The following UACA variants were observed in gnomAD, a reference collection of about 807,000 sequenced individuals.
The protein encoded by UACA is nuclear membrane binding protein.
UACA carries 112 observed loss-of-function variants against 160.5 expected under a neutral mutation model. The ratio of observed to expected loss-of-function variants is 0.70; its 90% CI spans 0.60 to 0.82. The LOEUF is 0.82. Ranked by LOEUF, UACA falls within the 40% of genes least tolerant of loss-of-function variation. The probability of loss-of-function intolerance (pLI) is 0.00; values close to 1 mark genes in which losing one functional copy is unlikely to be tolerated. For synonymous variants in UACA, 557 were observed against 568.4 expected, an observed-to-expected ratio of 0.98 and a Z score of 0.29; for missense variants, 1,574 against 1,614.6, an observed-to-expected ratio of 0.97 and a Z score of 0.43.
intron 1 of UACA, among the ~76,000 whole-genome samples, chr15:70,757,741 A>C (rs2030514600): frequency 6.6e-6 from 1 of 152,172 alleles, no homozygotes; most frequent in Non-Finnish European, 1.5e-5. Flanking sequence ...TCATGGATTT[A>C]AGGATTTCAG....
rs1896498583 is a variant in UACA, at chr15:70,657,102, T to A, written c.4205A>T (p.Glu1402Val). The change falls in exon 19 of 19, where the codon GAG becomes GTG. Residue 1402 changes from glutamate (E) to valine (V), a missense_variant. By Grantham distance (121) the Glu-to-Val change is moderately radical. Transcript: ENST00000322954. ...CATTTGTATGATCTGGAGCAGAGCC[T>A]CCTGAACATCTTCATCCATGTGACC... ...AQGHMDEDVQ[E>V]ALLQIIQMRQ... 1 of 1,614,130 alleles carries A rather than the reference T, an allele frequency of 6.2e-7. No homozygotes were observed. The highest frequency in any genetic ancestry group is 8.5e-7 in the Non-Finnish European group (1 of 1,179,992).
intron 1 of UACA, among the ~76,000 whole-genome samples, chr15:70,714,027 T>C (rs1258859833): frequency 6.6e-6 from 1 of 152,198 alleles, no homozygotes; most frequent in Non-Finnish European, 1.5e-5. Flanking sequence ...CATTGATGTT[T>C]AGGCAAATTC....
At chr15:70,759,788 T>C (rs1455833140) in intron 1 of UACA, among the ~76,000 whole-genome samples, 1 of 152,270 alleles carries the variant, frequency 6.6e-6, no homozygotes, top group Non-Finnish European at 1.5e-5. Flanking sequence ...TTTGTAATTG[T>C]GAACTACATT....
At chr15:70,761,612 C>T (rs1006473200) in intron 1 of UACA, among the ~76,000 whole-genome samples, 1 of 152,124 alleles carries the variant, frequency 6.6e-6, no homozygotes, top group African/African-American at 2.4e-5. Flanking sequence ...CCTCATTACG[C>T]TTTTATTTTT....
intron 1 of UACA, among the ~76,000 whole-genome samples, chr15:70,718,253 G>C (rs1251069207): frequency 4.7e-5 from 7 of 149,122 alleles, no homozygotes; most frequent in South Asian, 4.3e-4. Context: ...AGAGGAACGG[G>C]GGGGAGGGAG....
intron 1 of UACA, among the ~76,000 whole-genome samples, chr15:70,754,508 T>C (rs1416388281): frequency 6.6e-6 from 1 of 152,232 alleles, no homozygotes; most frequent in Non-Finnish European, 1.5e-5. Context: ...GTTAGGTGTC[T>C]TAAATGCATT....
intron 4 of UACA, 119 bp from the exon 5 acceptor site, chr15:70,690,630 A>C (rs1897900512): frequency 2.7e-6 from 2 of 733,494 alleles, no homozygotes; most frequent in Non-Finnish European, 2.3e-6. Context: ...AAGAAGCTAA[A>C]GACTATCCGA....
chr15:70,671,553 A>G (rs187942546), intron 14 of UACA: 19 of 159,070 alleles, frequency 1.2e-4, no homozygotes, highest in African/African-American at 4.1e-4. Context: ...AAAAAAGATT[A>G]TGTAGGGTCT....
chr15:70,659,395 GTTTTTTTTTTTTTTTTTT>G (rs71152307), intron 18 of UACA, among the ~76,000 whole-genome samples: 1 of 18,818 alleles, frequency 5.3e-5, no homozygotes, highest in Non-Finnish European at 9.6e-5. Context: ...TTTTTTGTTT[GTTTTTTTTTTTTTTTTTT>G]TTTTTTTTTG....
rs563505930 is a variant in UACA, at chr15:70,729,255, A to G, written c.79-29595T>C. Among the ~76,000 whole-genome samples, 5 of 152,308 alleles carry G rather than the reference A, an allele frequency of 3.3e-5. No individual in the cohort carries two copies. The South Asian group carries it at 8.3e-4, about 25-fold the overall frequency. ...GTACTTGTATGTTCACTGCAGCACT[A>G]TTCACAATAGCAAAAACATGGAAGC... On this transcript the variant is annotated intron_variant, in intron 1 of 18. Transcript: ENST00000322954.
At chr15:70,684,483 A>T in intron 7 of UACA, 37 bp from the exon 8 acceptor site, 1 of 1,567,788 alleles carries the variant, frequency 6.4e-7, no homozygotes, top group Non-Finnish European at 8.6e-7. Context: ...GACTGAGAAA[A>T]CTCCAAGGAA....
At chr15:70,774,357 T>C in the UACA span, among the ~76,000 whole-genome samples, 6 of 151,896 alleles carry the variant, frequency 4.0e-5, no homozygotes, top group Non-Finnish European at 8.8e-5. Flanking sequence ...CCATCCTGGC[T>C]AACATGGTGA....
At chr15:70,767,311 G>A (rs1342179852), upstream of UACA, among the ~76,000 whole-genome samples, 2 of 151,306 alleles carry the variant, frequency 1.3e-5, no homozygotes, top group Admixed American at 1.3e-4. Flanking sequence ...CACACAGGCC[G>A]GGCATGGTGG....
chr15:70,735,246 A>G (rs984225895), intron 1 of UACA, among the ~76,000 whole-genome samples: 5 of 149,908 alleles, frequency 3.3e-5, no homozygotes, highest in African/African-American at 1.2e-4. Flanking sequence ...ACTGCGTACT[A>G]TGCTCAATAC....
At chr15:70,677,920 C>T (rs1424391667) in intron 11 of UACA, among the ~76,000 whole-genome samples, 179 bp downstream of exon 11, 1 of 152,102 alleles carries the variant, frequency 6.6e-6, no homozygotes, top group Non-Finnish European at 1.5e-5. Context: ...TTACACTGTC[C>T]TTACTTGTTA....
intron 16 of UACA, 105 bp from the exon 17 acceptor site, chr15:70,664,919 T>C: frequency 9.6e-7 from 1 of 1,042,588 alleles, no homozygotes; most frequent in Non-Finnish European, 1.3e-6. Flanking sequence ...TTTATCTTTA[T>C]ACACCAGAAA....
intron 1 of UACA, among the ~76,000 whole-genome samples, chr15:70,719,025 AGGAGGAAGGAAG>A (rs747557735): frequency 5.9e-5 from 9 of 151,510 alleles, no homozygotes; most frequent in Non-Finnish European, 7.4e-5. Context: ...AGTCATAGGA[AGGAGGAAGGAAG>A]GGAGGAAGGA....
chr15:70,777,192 G>T, the UACA span, among the ~76,000 whole-genome samples: 2 of 152,214 alleles, frequency 1.3e-5, no homozygotes, highest in African/African-American at 2.4e-5. Context: ...TGGAAGGACA[G>T]AGTTGTCATT....
chr15:70,749,213 A>AT (rs557527067), intron 1 of UACA: 5 of 447,732 alleles, frequency 1.1e-5, no homozygotes, highest in South Asian at 6.4e-5. Flanking sequence ...GTATGTTTCA[A>AT]TTTTTTCATA....
Sources: gnomAD v4.1 joint callset for allele counts (sites outside exome capture counted in the v4.1 genomes callset) on GRCh38, gnomAD v4.1.1 for gene constraint, MANE v1.5 for transcripts, NCBI Gene and HGNC (gene_info 2026-07-23, HGNC 2026-07-21) for gene names.